IL31RA: variants seen among roughly 807,000 people sequenced by gnomAD.
The protein encoded by IL31RA is interleukin-31 receptor subunit alpha.
Under a neutral mutation model 83.7 loss-of-function variants are expected in IL31RA, and 66 were observed. That is an observed-to-expected ratio of 0.79 (90% CI 0.65 to 0.97). IL31RA has a LOEUF of 0.97. Among genes scored for constraint, IL31RA ranks in the 50% least tolerant of loss-of-function variants. IL31RA has a pLI of 0.00. For missense variants in IL31RA, 798 were observed against 919.4 expected (o/e 0.87, Z 1.71); for synonymous variants, 325 against 329.0 (o/e 0.99, Z 0.13).
In IL31RA at chr5:55,867,970, G is replaced by A. The variant is rs188101914; in HGVS notation, c.155-821G>A. 2.5e-3 allele frequency among the ~76,000 whole-genome samples: 380 copies of A among 152,024 alleles called. 3 individuals are homozygous for A. Among genetic ancestry groups the A allele is most frequent in the African/African-American group, 8.9e-3 (368 of 41,428 alleles). On this transcript the variant is annotated intron_variant, in intron 2 of 14. Coordinates refer to ENST00000652347, the MANE Select transcript of IL31RA (RefSeq NM_139017.7). ...ACAATTCAAGTTAAGATTTGGGTGG[G>A]GGCACAACCAAACCATATAAATATT...
intron 7 of IL31RA, among the ~76,000 whole-genome samples, chr5:55,899,027 A>G (rs1246465495): frequency 1.3e-5 from 2 of 152,128 alleles, no homozygotes; most frequent in East Asian, 3.9e-4. Context: ...CTGTCTCAAA[A>G]TAAATAAATA....
At chr5:55,870,165 A>G (rs990463114) in intron 3 of IL31RA, among the ~76,000 whole-genome samples, 1 of 152,242 alleles carries the variant, frequency 6.6e-6, no homozygotes, top group Non-Finnish European at 1.5e-5. Context: ...GCTATAGGCA[A>G]TATATAAACC....
chr5:55,890,165 T>A (rs749842385), intron 6 of IL31RA, 30 bp downstream of exon 6: 1 of 1,610,090 alleles, frequency 6.2e-7, no homozygotes, highest in South Asian at 1.1e-5. Flanking sequence ...TCCCGTCCTG[T>A]CTGCTCTGGT....
At chr5:55,890,781 C>A (rs920240190) in intron 6 of IL31RA, among the ~76,000 whole-genome samples, 8 of 152,144 alleles carry the variant, frequency 5.3e-5, no homozygotes, top group African/African-American at 1.9e-4. Flanking sequence ...TTTAAAAAAT[C>A]ACATTTTTAA....
chr5:55,843,092 A>T, the IL31RA span, among the ~76,000 whole-genome samples: 4 of 152,198 alleles, frequency 2.6e-5, no homozygotes, highest in Admixed American at 2.6e-4. Flanking sequence ...GTGCCCACAC[A>T]TGGGGATCCA....
Position 55,903,758 on chromosome 5 carries a change from C to A in IL31RA, c.1070-2348C>A, listed in dbSNP as rs1340641016. 6.6e-6 allele frequency among the ~76,000 whole-genome samples: 1 copy of A among 152,220 alleles called. No individual in the cohort carries two copies. Among genetic ancestry groups the A allele is most frequent in the Non-Finnish European group, 1.5e-5 (1 of 68,050 alleles). On this transcript the variant is annotated intron_variant, in intron 8 of 14. Transcript: ENST00000652347. This position sits in a 1 kb window ranked among gnomAD's most constrained non-coding sequence, Gnocchi z 4.7. ...AAGTGCCTCCAGGGAGATGAGGAAG[C>A]TGCAGAAGCAGGCCAGGACAGGGCA...
chr5:55,869,390 C>T (rs978855629), intron 3 of IL31RA, among the ~76,000 whole-genome samples: 9 of 152,234 alleles, frequency 5.9e-5, no homozygotes, highest in African/African-American at 2.2e-4. Flanking sequence ...CCTCTTTATT[C>T]CAATTCTGTA....
At chr5:55,867,143 G>GTT (rs1158412721) in intron 2 of IL31RA, among the ~76,000 whole-genome samples, 65 of 149,730 alleles carry the variant, frequency 4.3e-4, no homozygotes, top group Non-Finnish European at 7.9e-4. Context: ...GTGCATGTGT[G>GTT]TGTGCATGTG....
At chr5:55,868,073 T>C (rs976847330) in intron 2 of IL31RA, among the ~76,000 whole-genome samples, 2 of 152,212 alleles carry the variant, frequency 1.3e-5, no homozygotes, top group Non-Finnish European at 1.5e-5. Flanking sequence ...CAGGCAATGA[T>C]GCTATTACTG....
intron 6 of IL31RA, among the ~76,000 whole-genome samples, chr5:55,892,510 T>C (rs1206526369): frequency 6.6e-6 from 1 of 152,264 alleles, no homozygotes; most frequent in Admixed American, 6.5e-5. Context: ...TATGGTCAGA[T>C]GCCTGGAACC....
rs1053880204 is a variant in IL31RA at position 55,912,167 on chromosome 5, TC to T, written c.1643-1308del. Among the ~76,000 whole-genome samples, 70 of 152,288 alleles carry T rather than the reference TC, an allele frequency of 4.6e-4. 1 individual carries two copies. Among genetic ancestry groups the T allele is most frequent in the Middle Eastern group, 3.4e-3 (1 of 294 alleles). ...TCTATAGATTATAAATCACCCTGCT[TC>T]CATTTTTGATCCTCTATAATCCATT... On this transcript the variant is annotated intron_variant, in intron 12 of 14. Transcript: ENST00000652347.
Position 55,922,063 on chromosome 5 carries a change from G to GA in IL31RA, c.*4943_*4944insA, listed in dbSNP as rs1366106343. Reference sequence around the variant, plus strand: ...CACTCTTATGTTGTGGCGGGGGGGGGGGGCGGTTCCTGAAGAGTGGAGTGT... The same window carrying GA: ...CACTCTTATGTTGTGGCGGGGGGGGGAGGGCGGTTCCTGAAGAGTGGAGTGT... On this transcript the variant is annotated 3_prime_UTR_variant, in exon 15 of 15. Coordinates refer to ENST00000652347, the MANE Select transcript of IL31RA (RefSeq NM_139017.7). 6.8e-6 allele frequency among the ~76,000 whole-genome samples: 1 copy of GA among 147,418 alleles called. No individual in the cohort carries two copies. The highest frequency in any genetic ancestry group is 1.5e-5 in the Non-Finnish European group (1 of 66,618).
upstream of IL31RA, among the ~76,000 whole-genome samples, chr5:55,849,873 T>G: frequency 6.6e-6 from 1 of 152,220 alleles, no homozygotes. Flanking sequence ...TGTAGTCACT[T>G]TTTTCAATAA....
At chr5:55,867,156 T>TG (rs1358611010) in intron 2 of IL31RA, among the ~76,000 whole-genome samples, 2 of 128,034 alleles carry the variant, frequency 1.6e-5, no homozygotes, top group African/African-American at 3.2e-5. Flanking sequence ...TGCATGTGTG[T>TG]TTGTGTGTGT....
chr5:55,867,304 C>CGTGTGTGTGTGTGCGTGT (rs1746239000), intron 2 of IL31RA, among the ~76,000 whole-genome samples: 1 of 118,190 alleles, frequency 8.5e-6, no homozygotes, highest in Non-Finnish European at 1.7e-5. Context: ...TGTGTGTGTG[C>CGTGTGTGTGTGTGCGTGT]GTGTGTGTGT....
chr5:55,848,782 A>G (rs1744991604), upstream of IL31RA, among the ~76,000 whole-genome samples: 1 of 152,246 alleles, frequency 6.6e-6, no homozygotes, highest in South Asian at 2.1e-4. Flanking sequence ...GCTGCAACTC[A>G]AAGCCCACTT....
At chr5:55,839,884 G>A in the IL31RA span, 21 of 724,152 alleles carry the variant, frequency 2.9e-5, no homozygotes, top group African/African-American at 3.0e-4. Flanking sequence ...TGCCTTCTCT[G>A]TTGTAGATGA....
chr5:55,867,525 GTCT>G (rs1185265272), intron 2 of IL31RA, among the ~76,000 whole-genome samples: 13 of 151,952 alleles, frequency 8.6e-5, no homozygotes, highest in Non-Finnish European at 1.2e-4. Flanking sequence ...GTAATATGTG[GTCT>G]TCTTTATTAA....
chr5:55,861,905 C>T (rs970702098), intron 2 of IL31RA, among the ~76,000 whole-genome samples: 13 of 152,202 alleles, frequency 8.5e-5, no homozygotes, highest in Admixed American at 8.5e-4. Context: ...TTTTTCAAAA[C>T]ACTGACTTTG....
Sources: gnomAD v4.1 joint callset for allele counts (sites outside exome capture counted in the v4.1 genomes callset) on GRCh38, gnomAD v4.1.1 for gene constraint, Gnocchi (gnomAD v3.1) non-coding constraint, MANE v1.5 for transcripts, NCBI Gene and HGNC (gene_info 2026-07-23, HGNC 2026-07-21) for gene names.